The following EMSY variants were observed in gnomAD, a reference collection of about 807,000 sequenced individuals.
EMSY encodes the protein EMSY transcriptional repressor, BRCA2 interacting.
Under a neutral mutation model 134.6 loss-of-function variants are expected in EMSY, and 26 were observed. The ratio of observed to expected loss-of-function variants is 0.19; its 90% CI spans 0.14 to 0.27. EMSY has a LOEUF of 0.27. Ranked by LOEUF, EMSY falls within the 10% of genes least tolerant of loss-of-function variation. The pLI is 1.00. For synonymous variants in EMSY, 579 were observed against 577.8 expected, an observed-to-expected ratio of 1.00 and a Z score of -0.03; for missense variants, 1,305 against 1,611.4, an observed-to-expected ratio of 0.81 and a Z score of 3.26.
chr11:76,513,179 A>G (rs561907342), intron 9 of EMSY, among the ~76,000 whole-genome samples: 94 of 152,198 alleles, frequency 6.2e-4, no homozygotes, highest in African/African-American at 1.7e-3. Flanking sequence ...TGTTAATGCA[A>G]TGTTTTAGTT....
chr11:76,513,429 A>G (rs775115186), exon 10 of EMSY: 1 of 1,613,696 alleles, frequency 6.2e-7, no homozygotes, highest in African/African-American at 1.3e-5. Flanking sequence ...GTAAAATCTT[A>G]CCCAAACCAG....
chr11:76,516,147 C>G, exon 11 of EMSY: 1 of 1,611,394 alleles, frequency 6.2e-7, no homozygotes, highest in Middle Eastern at 1.7e-4. Context: ...TGTAGGCACA[C>G]AAGCAACCTA....
chr11:76,548,751 T>G (rs1951743167), intron 20 of EMSY, among the ~76,000 whole-genome samples: 1 of 152,228 alleles, frequency 6.6e-6, no homozygotes, highest in Admixed American at 6.5e-5. Context: ...CCAGAACCAA[T>G]GCGTAGGCAT....
exon 21 of EMSY, chr11:76,550,161 A>G: frequency 6.4e-7 from 1 of 1,571,794 alleles, no homozygotes; most frequent in East Asian, 2.3e-5. Context: ...TGGACACAAT[A>G]GTGCACTTTA....
At chr11:76,520,924 A>G (rs1172335937) in intron 11 of EMSY, among the ~76,000 whole-genome samples, 2 of 152,206 alleles carry the variant, frequency 1.3e-5, no homozygotes. Context: ...TAGTCATTTG[A>G]TAAATGATAT....
At chr11:76,503,346 A>C (rs1590916366) in intron 9 of EMSY, among the ~76,000 whole-genome samples, 1 of 151,722 alleles carries the variant, frequency 6.6e-6, no homozygotes, top group East Asian at 1.9e-4. Flanking sequence ...GAGGACTCAA[A>C]TGCTTCCTGA....
intron 8 of EMSY, among the ~76,000 whole-genome samples, chr11:76,487,325 A>G (rs1949228567): frequency 6.6e-6 from 1 of 152,192 alleles, no homozygotes. Context: ...ACACAGAAAC[A>G]AAAAACAGGA....
rs147902049 is a variant in EMSY, at chr11:76,504,541, T to C, written c.1363+8072T>C. ...TGTAACAGAATAACAAGTGTTGACA[T>C]GGATGTAGAGAAACAGGAATCCTCA... On this transcript the variant is annotated intron_variant, in intron 9 of 20. Transcript: ENST00000334736. Among the ~76,000 whole-genome samples, 18 of 152,230 alleles carry C rather than the reference T, an allele frequency of 1.2e-4. No individual in the cohort carries two copies. In the East Asian group the frequency reaches 3.3e-3, roughly 28 times the overall value.
intron 8 of EMSY, 107 bp downstream of exon 9, chr11:76,472,947 A>T: frequency 8.2e-7 from 1 of 1,216,024 alleles, no homozygotes; most frequent in African/African-American, 1.5e-5. Context: ...CCCTACTATT[A>T]GACCCAAGAT....
chr11:76,527,703 TC>T (rs1950892529), intron 13 of EMSY, among the ~76,000 whole-genome samples: 1 of 151,988 alleles, frequency 6.6e-6, no homozygotes, highest in African/African-American at 2.4e-5. Context: ...ATCTGGGGTT[TC>T]TTCAAAGATA....
intron 9 of EMSY, among the ~76,000 whole-genome samples, chr11:76,502,242 CTT>C (rs1949891811): frequency 8.6e-6 from 1 of 115,864 alleles, no homozygotes; most frequent in South Asian, 3.0e-4. Flanking sequence ...GCTGTTGACA[CTT>C]ATATTCCATA....
At chr11:76,454,190 A>G (rs1399407896) in intron 4 of EMSY, among the ~76,000 whole-genome samples, 1 of 152,196 alleles carries the variant, frequency 6.6e-6, no homozygotes, top group Non-Finnish European at 1.5e-5. Flanking sequence ...GCATTTCCAT[A>G]ATGTGATAAC....
At chr11:76,464,226 T>A in intron 7 of EMSY, 146 bp downstream of exon 8, 1 of 1,057,944 alleles carries the variant, frequency 9.5e-7, no homozygotes, top group Non-Finnish European at 1.3e-6. Context: ...ATTTTCCAGA[T>A]AAGGCTTTGG....
intron 8 of EMSY, among the ~76,000 whole-genome samples, chr11:76,489,911 A>G (rs1026271608): frequency 6.6e-6 from 1 of 152,082 alleles, no homozygotes; most frequent in Middle Eastern, 3.4e-3. Flanking sequence ...GGCCTACTTG[A>G]TGTATCTTTT....
intron 14 of EMSY, among the ~76,000 whole-genome samples, chr11:76,530,440 C>T (rs1177313640): frequency 2.0e-5 from 3 of 152,176 alleles, no homozygotes; most frequent in African/African-American, 2.4e-5. Context: ...GGATTATAGG[C>T]GTGAGCCACT....
chr11:76,448,001 T>TA (rs768431387), intron 2 of EMSY, among the ~76,000 whole-genome samples: 29 of 152,236 alleles, frequency 1.9e-4, no homozygotes, highest in Admixed American at 6.5e-4. Flanking sequence ...GTCTTGGTAT[T>TA]ATTACAAATG....
chr11:76,545,316 A>G (rs1276851202), intron 19 of EMSY, among the ~76,000 whole-genome samples: 1 of 152,210 alleles, frequency 6.6e-6, no homozygotes, highest in African/African-American at 2.4e-5. Context: ...TGGATAATTG[A>G]AAGCAAAATT....
intron 8 of EMSY, among the ~76,000 whole-genome samples, chr11:76,479,297 A>T (rs1432636320): frequency 6.6e-6 from 1 of 152,200 alleles, no homozygotes. Flanking sequence ...TGTAATTAAA[A>T]CACAGGTGCA....
chr11:76,482,857 A>C (rs1463373700), intron 8 of EMSY, among the ~76,000 whole-genome samples: 1 of 152,224 alleles, frequency 6.6e-6, no homozygotes, highest in Non-Finnish European at 1.5e-5. Flanking sequence ...AACTTCCCCA[A>C]CCTAGCAAGA....
Sources: gnomAD v4.1 joint callset for allele counts (sites outside exome capture counted in the v4.1 genomes callset) on GRCh38, gnomAD v4.1.1 for gene constraint, MANE v1.5 for transcripts, NCBI Gene and HGNC (gene_info 2026-07-23, HGNC 2026-07-21) for gene names.